Variants in CA9 observed in about 807,000 individuals in gnomAD.
The protein encoded by CA9 is carbonic anhydrase 9.
Under a neutral mutation model 51.8 loss-of-function variants are expected in CA9, and 43 were observed. The observed-to-expected ratio is 0.83, with a 90% CI of 0.65 to 1.07. The LOEUF is 1.07. Ranked by LOEUF, CA9 falls within the 50% of genes least tolerant of loss-of-function variation. The pLI is 0.00. For missense variants in CA9, 574 were observed against 581.4 expected, an observed-to-expected ratio of 0.99 and a Z score of 0.13; for synonymous variants, 253 against 244.2, an observed-to-expected ratio of 1.04 and a Z score of -0.34.
chr9:35,675,701 C>T (rs1203757132), intron 2 of CA9, 60 bp from the exon 3 acceptor site: 13 of 1,550,604 alleles, frequency 8.4e-6, no homozygotes, highest in Middle Eastern at 2.3e-4. Flanking sequence ...CTTTTCTACC[C>T]GGGTTCCCTA....
At chr9:35,674,909 G>A (rs1824386546) in intron 1 of CA9, 1 of 157,206 alleles carries the variant, frequency 6.4e-6, no homozygotes, top group African/African-American at 2.4e-5. Flanking sequence ...GCAGAGGGAT[G>A]AGTGGGGAGA....
At position 35,676,172 on chromosome 9, in the gene CA9, A is replaced by G. The variant is rs761508765; in HGVS notation, c.713A>G (p.Glu238Gly). The change falls in exon 4 of 11, where the codon GAG becomes GGG. Residue 238 changes from glutamate to glycine, a missense_variant. By Grantham distance (98) the Glu-to-Gly change is moderately conservative (BLOSUM62 -2). Transcript: ENST00000378357. ...HWGAAGRPGS[E>G]HTVEGHRFPA... ...GGGGCTGCAGGTCGTCCGGGCTCGG[A>G]GCACACTGTGGAAGGCCACCGTTTC... 4.3e-6 allele frequency: 7 copies of G among 1,612,380 alleles called. No individual in the cohort carries two copies. In the African/African-American group the frequency reaches 5.3e-5, roughly 12 times the overall value.
intron 1 of CA9, chr9:35,675,035 G>A (rs1824389193): frequency 1.3e-5 from 2 of 150,078 alleles, no homozygotes; most frequent in Admixed American, 1.3e-4. Flanking sequence ...TTGTTGCCCA[G>A]GCTGGAGTGC....
chr9:35,677,846 C>T lies in CA9; in HGVS notation c.897C>T (p.Ile299=), dbSNP rs779705454. The T allele has an allele frequency of 2.3e-5, 37 of 1,613,982 alleles. No individual in the cohort carries two copies. The East Asian group carries it at 2.7e-4, about 12-fold the overall frequency. ...YEQLLSRLEE[I]AEEGSETQVP... ...AGTTGCTGTCTCGCTTGGAAGAAAT[C>T]GCTGAGGAAGGTCAGTTTGTTGGTC... Residue 299 remains isoleucine, a synonymous_variant, in exon 6 of 11, where the codon ATC becomes ATT. Coordinates refer to ENST00000378357, the MANE Select transcript of CA9 (RefSeq NM_001216.3).
chr9:35,681,037 T>TGGAGAATGTGAGAAGCCAGCC lies in CA9; in HGVS notation c.*13_*33dup, dbSNP rs1563924340. On this transcript the variant is annotated 3_prime_UTR_variant, in exon 11 of 11. Transcript: ENST00000378357. ...AGACTGGAGCCTAGAGGCTGGATCTTGGAGAATGTGAGAAGCCAGCCAGAG... is the reference window on the plus strand; with the variant it reads ...AGACTGGAGCCTAGAGGCTGGATCTTGGAGAATGTGAGAAGCCAGCCGGAGAATGTGAGAAGCCAGCCAGAG... The TGGAGAATGTGAGAAGCCAGCC allele has an allele frequency of 3.1e-6, 5 of 1,612,672 alleles. No individual in the cohort carries two copies. The Admixed American group carries it at 8.4e-5, about 27-fold the overall frequency.
At chr9:35,676,240 A>G in intron 4 of CA9, 34 bp downstream of exon 4, 1 of 1,612,700 alleles carries the variant, frequency 6.2e-7, no homozygotes, top group East Asian at 2.2e-5. Flanking sequence ...GGGGCAAAGG[A>G]GCGGGGCGGA....
intron 6 of CA9, among the ~76,000 whole-genome samples, chr9:35,678,150 T>C (rs997209585): frequency 6.6e-6 from 1 of 151,770 alleles, no homozygotes; most frequent in Non-Finnish European, 1.5e-5. Context: ...ATCAAGACCA[T>C]CCTGGCCAAC....
chr9:35,679,913 C>G lies in CA9; in HGVS notation c.1125C>G (p.Phe375Leu), dbSNP rs999987305. The change falls in exon 8 of 11, where the codon TTC (phenylalanine) becomes TTG (leucine). Residue 375 changes from phenylalanine (F) to leucine (L), a missense_variant. By Grantham distance (22) the Phe-to-Leu change is conservative (BLOSUM62 0). Coordinates refer to ENST00000378357, the MANE Select transcript of CA9 (RefSeq NM_001216.3). ...GPGDSRLQLN[F>L]RATQPLNGRV... ...GTGACTCTCGGCTACAGCTGAACTT[C>G]CGAGCGACGCAGCCTTTGAATGGGC... The G allele has an allele frequency of 3.7e-6, 6 of 1,613,702 alleles. No homozygotes were observed. The highest frequency in any genetic ancestry group is 5.1e-6 in the Non-Finnish European group (6 of 1,179,856).
rs753767431 is a variant in CA9 at position 35,675,803 on chromosome 9, G to GCTT, written c.478_480dup (p.Phe160dup). 13 of 1,603,134 alleles carry GCTT rather than the reference G, an allele frequency of 8.1e-6. No homozygotes were observed. In the Admixed American group the frequency reaches 2.2e-4, roughly 27 times the overall value. On this transcript the variant is annotated inframe_insertion, in exon 3 of 11. Transcript: ENST00000378357. Reference sequence around the variant, plus strand: ...CGGGTGTCCCCAGCCTGCGCGGGCCGCTTCCAGTCCCCGGTGGATATCCGC... The same window carrying GCTT: ...CGGGTGTCCCCAGCCTGCGCGGGCCGCTTCTTCCAGTCCCCGGTGGATATCCGC...
intron 2 of CA9, 90 bp from the exon 3 acceptor site, chr9:35,675,671 C>A: frequency 7.0e-7 from 1 of 1,430,858 alleles, no homozygotes; most frequent in Non-Finnish European, 9.8e-7. Context: ...CACCCGCCGC[C>A]CACCGTCCCA....
Position 35,676,148 on chromosome 9 carries a change from G to A in CA9, c.689G>A (p.Gly230Glu). 1.2e-6 allele frequency: 2 copies of A among 1,613,228 alleles called. No homozygotes were observed. Among genetic ancestry groups the A allele is most frequent in the Non-Finnish European group, 1.7e-6 (2 of 1,179,630 alleles). Residue 230 changes from glycine (G) to glutamate (E), a missense_variant, in exon 4 of 11, where the codon GGG (glycine) becomes GAG (glutamate). Physicochemically the swap from Gly to Glu is moderately conservative, Grantham distance 98. Transcript: ENST00000378357. ...GCTCTGCAGCTGCATCTGCACTGGG[G>A]GGCTGCAGGTCGTCCGGGCTCGGAG... The part of the protein sequence containing the change: ...YRALQLHLHW[G>E]AAGRPGSEHT...
rs1209377187 is a variant in CA9 at position 35,679,208 on chromosome 9, C to G, written c.931C>G (p.Leu311Val). Reference protein sequence around the residue: ...EEGSETQVPGLDISALLPSDF... With the variant: ...EEGSETQVPGVDISALLPSDF... ...AGGCTCAGAGACTCAGGTCCCAGGA[C>G]TGGACATATCTGCACTCCTGCCCTC... is the stretch of plus-strand genomic sequence containing the variant. The change falls in exon 7 of 11, where the codon CTG (leucine) becomes GTG (valine). Residue 311 changes from leucine (L) to valine (V), a missense_variant. Transcript: ENST00000378357. 1.2e-6 allele frequency: 2 copies of G among 1,614,046 alleles called. No homozygotes were observed. Among genetic ancestry groups the G allele is most frequent in the Admixed American group, 3.3e-5 (2 of 59,996 alleles).
intron 1 of CA9, chr9:35,675,202 C>T: frequency 3.2e-6 from 1 of 310,136 alleles, no homozygotes; most frequent in Non-Finnish European, 6.0e-6. Context: ...CCATGTTGGT[C>T]AGGCTGGTCT....
chr9:35,675,467 G>T (rs1478682989), intron 1 of CA9, 71 bp from the exon 2 acceptor site: 2 of 1,562,686 alleles, frequency 1.3e-6, no homozygotes, highest in African/African-American at 2.7e-5. Context: ...CTGCGTTTGT[G>T]ACATCGTTTT....
chr9:35,676,010 G>C, intron 3 of CA9, 54 bp from the exon 4 acceptor site: 1 of 1,606,182 alleles, frequency 6.2e-7, no homozygotes, highest in Non-Finnish European at 8.5e-7. Flanking sequence ...GCCTGCCCGG[G>C]GGTTGGGCTG....
chr9:35,675,658 T>TGGCCC, intron 2 of CA9, 91 bp downstream of exon 2: 3 of 1,407,066 alleles, frequency 2.1e-6, no homozygotes, highest in Non-Finnish European at 3.0e-6. Flanking sequence ...GTCCCGGGCG[T>TGGCCC]CCCACCCGCC....
rs757345104 is a variant in CA9, at chr9:35,680,017, T to TC, written c.1210+25dup. The TC allele has an allele frequency of 1.9e-6, 3 of 1,613,902 alleles. No individual in the cohort carries two copies. The highest frequency in any genetic ancestry group is 2.2e-5 in the South Asian group (2 of 91,076). ...GAGCCAGGTACAGCTTTGTCTGGTT[T>TC]CCCCCCAGCCAGTAGTCCCTTATCC... On this transcript the variant is annotated intron_variant, in intron 8 of 10. Transcript: ENST00000378357.
chr9:35,675,986 A>G, intron 3 of CA9, 55 bp downstream of exon 3: 1 of 1,602,216 alleles, frequency 6.2e-7, no homozygotes, highest in Non-Finnish European at 8.5e-7. Context: ...AGGGAAGGGA[A>G]CCGTCGCGGC....
At chr9:35,679,374 T>C in intron 7 of CA9, 32 bp downstream of exon 7, 2 of 1,588,586 alleles carry the variant, frequency 1.3e-6, no homozygotes, top group East Asian at 4.5e-5. Flanking sequence ...ACACAGTGGG[T>C]GCGGGGGAAA....
Sources: gnomAD v4.1 joint callset for allele counts (sites outside exome capture counted in the v4.1 genomes callset) on GRCh38, gnomAD v4.1.1 for gene constraint, MANE v1.5 for transcripts, NCBI Gene and HGNC (gene_info 2026-07-23, HGNC 2026-07-21) for gene names.